POLR1C: variants seen among roughly 807,000 people sequenced by gnomAD.
POLR1C encodes DNA-directed RNA polymerases I and III subunit RPAC1.
In POLR1C, 42 loss-of-function variants were observed where a neutral mutation model predicts 38.3. The ratio of observed to expected loss-of-function variants is 1.10; its 90% CI spans 0.86 to 1.42. POLR1C has a LOEUF of 1.42. Among genes scored for constraint, POLR1C ranks in the 40% most tolerant of loss-of-function variants. The probability of loss-of-function intolerance (pLI) is 0.00; values close to 1 mark genes in which losing one functional copy is unlikely to be tolerated. For synonymous variants in POLR1C, 163 were observed against 163.9 expected, an observed-to-expected ratio of 0.99 and a Z score of 0.04; for missense variants, 507 against 450.5, an observed-to-expected ratio of 1.13 and a Z score of -1.14.
chr6:43,541,994 G>T (rs186033302), intron 9 of POLR1C, among the ~76,000 whole-genome samples: 244 of 152,108 alleles, frequency 1.6e-3, no homozygotes, highest in African/African-American at 5.5e-3. Flanking sequence ...TGGCCACACT[G>T]GTCTTGAACT....
At chr6:43,548,166 C>A in intron 9 of POLR1C, 1 of 1,240,772 alleles carries the variant, frequency 8.1e-7, no homozygotes, top group Non-Finnish European at 1.1e-6. Context: ...CATCACACTT[C>A]AATATCCTTA....
downstream of POLR1C, chr6:43,526,026 C>T: frequency 7.6e-7 from 1 of 1,322,628 alleles, no homozygotes; most frequent in Non-Finnish European, 1.1e-6. Flanking sequence ...GTGTTCTAGG[C>T]TAAGTGGTGG....
intron 9 of POLR1C, chr6:43,549,387 C>A: frequency 8.5e-7 from 1 of 1,182,098 alleles, no homozygotes; most frequent in Admixed American, 2.5e-5. Context: ...TGATGCAAAG[C>A]TATAGTTTCT....
downstream of POLR1C, chr6:43,523,685 A>G: frequency 1.1e-6 from 1 of 929,314 alleles, no homozygotes; most frequent in Non-Finnish European, 1.8e-6. Context: ...CTTTCTTGAT[A>G]CTTTAGTATA....
chr6:43,549,978 T>G (rs575150463), intron 9 of POLR1C: 2 of 1,594,380 alleles, frequency 1.3e-6, no homozygotes, highest in Non-Finnish European at 1.7e-6. Flanking sequence ...TTATTTGTTT[T>G]AGAGATGAGA....
intron 10 of POLR1C, chr6:43,560,152 C>T (rs1762341941): frequency 1.2e-6 from 2 of 1,608,126 alleles, no homozygotes; most frequent in Non-Finnish European, 1.7e-6. Context: ...ACCTACATTC[C>T]ACATGTTTAG....
intron 8 of POLR1C, chr6:43,528,187 G>A: frequency 6.3e-7 from 1 of 1,594,284 alleles, no homozygotes; most frequent in Admixed American, 1.8e-5. Flanking sequence ...TTGATAACTT[G>A]CCATTTCTGA....
chr6:43,524,025 AAG>A, downstream of POLR1C: 1 of 1,608,738 alleles, frequency 6.2e-7, no homozygotes, highest in Non-Finnish European at 8.5e-7. Context: ...ACAAATGAGA[AAG>A]AATTAATGCT....
chr6:43,558,700 G>A lies in POLR1C; in HGVS notation c.*49-2700G>A, dbSNP rs184699088. ...TAATTTATTTAAGAGTTAAGCGTTT[G>A]CATGAGATATTGTATGGTAAATATC... On this transcript the variant is annotated intron_variant, in intron 10 of 10. Transcript: ENST00000607635. 1.7e-4 allele frequency: 137 copies of A among 783,478 alleles called. No individual in the cohort carries two copies. In the East Asian group the frequency reaches 3.2e-3, roughly 18 times the overall value. The allele number at this position is 783,478 out of a possible 1,614,324, so 48.5% of individuals were successfully genotyped here. A position where few individuals can be genotyped will look rare whatever the true frequency, so the allele number is the denominator to read the frequency against.
At chr6:43,517,268 A>G (rs764293534) in intron 1 of POLR1C, 38 bp from the exon 2 acceptor site, 2 of 1,603,056 alleles carry the variant, frequency 1.2e-6, no homozygotes, top group Non-Finnish European at 1.7e-6. Flanking sequence ...CTGTGGGCTC[A>G]CTGTCCCTTC....
At chr6:43,539,283 C>T in intron 9 of POLR1C, 2 of 1,523,454 alleles carry the variant, frequency 1.3e-6, no homozygotes, top group East Asian at 2.3e-5. Flanking sequence ...GAGCACTTAA[C>T]ACCCAGACCG....
At chr6:43,525,769 A>G, downstream of POLR1C, 1 of 1,521,146 alleles carries the variant, frequency 6.6e-7, no homozygotes, top group Non-Finnish European at 9.0e-7. Flanking sequence ...AGCACCATAG[A>G]GCAAGAAAAG....
At chr6:43,527,638 T>G in intron 8 of POLR1C, 1 of 1,613,924 alleles carries the variant, frequency 6.2e-7, no homozygotes, top group East Asian at 2.2e-5. Context: ...ACTTACTGAT[T>G]AGGTCCATGA....
intron 8 of POLR1C, chr6:43,526,896 CA>C: frequency 1.3e-6 from 1 of 742,644 alleles, no homozygotes; most frequent in South Asian, 1.6e-5. Context: ...TTAGCTTCAC[CA>C]ATAGAAATAG....
downstream of POLR1C, chr6:43,525,980 GT>G: frequency 6.3e-7 from 1 of 1,592,074 alleles, no homozygotes; most frequent in Middle Eastern, 1.8e-4. Flanking sequence ...AGAATATCTT[GT>G]TCTGACAGAA....
At chr6:43,548,994 G>A (rs1308702474) in intron 9 of POLR1C, among the ~76,000 whole-genome samples, 2 of 152,152 alleles carry the variant, frequency 1.3e-5, no homozygotes, top group East Asian at 1.9e-4. Context: ...GTATTTTGAA[G>A]AGAGATTACA....
chr6:43,548,881 G>T (rs1238369325), intron 9 of POLR1C, among the ~76,000 whole-genome samples: 4 of 152,036 alleles, frequency 2.6e-5, no homozygotes, highest in Non-Finnish European at 5.9e-5. Context: ...CTTTTCTCAA[G>T]ATCAGGCACA....
At position 43,517,301 on chromosome 6, in the gene POLR1C, T is replaced by C. The variant is rs778496264; in HGVS notation, c.70-5T>C. 6 of 1,613,886 alleles carry C rather than the reference T, an allele frequency of 3.7e-6. No homozygotes were observed. The highest frequency in any genetic ancestry group is 5.1e-6 in the Non-Finnish European group (6 of 1,179,882). Reference sequence around the variant, plus strand: ...TTCGTGGACAAATTCGTCCCTTTGCTCTAGGTCCATACTACTGACTTTCCC... The same window carrying C: ...TTCGTGGACAAATTCGTCCCTTTGCCCTAGGTCCATACTACTGACTTTCCC... On this transcript the variant is annotated splice_polypyrimidine_tract_variant and splice_region_variant and intron_variant, in intron 1 of 8. Coordinates refer to ENST00000642195, the MANE Select transcript of POLR1C (RefSeq NM_203290.4).
At chr6:43,540,468 G>C (rs1210674779) in intron 9 of POLR1C, among the ~76,000 whole-genome samples, 1 of 151,720 alleles carries the variant, frequency 6.6e-6, no homozygotes, top group Non-Finnish European at 1.5e-5. Context: ...GACAGAGCAA[G>C]ACTCCGTCTC....
Sources: allele counts gnomAD v4.1 joint callset (sites outside exome capture counted in the v4.1 genomes callset), GRCh38; gene constraint gnomAD v4.1.1; transcripts MANE v1.5; gene names NCBI Gene and HGNC (gene_info 2026-07-23, HGNC 2026-07-21).